Variants in TENT2 observed in about 807,000 individuals in gnomAD.
The protein encoded by TENT2 is poly(A) RNA polymerase GLD2.
Under a neutral mutation model 72.2 loss-of-function variants are expected in TENT2, and 44 were observed. That is an observed-to-expected ratio of 0.61 (90% CI 0.48 to 0.78). TENT2 has a LOEUF of 0.78. TENT2 is among the 30% of genes least tolerant of loss of function. The pLI is 0.00. For synonymous variants in TENT2, 212 were observed against 192.5 expected, an observed-to-expected ratio of 1.10 and a Z score of -0.84; for missense variants, 541 against 569.6, an observed-to-expected ratio of 0.95 and a Z score of 0.51.
chr5:79,658,954 A>G (rs968244138), intron 11 of TENT2, among the ~76,000 whole-genome samples: 2 of 152,064 alleles, frequency 1.3e-5, no homozygotes, highest in African/African-American at 2.4e-5. Context: ...GCTTATTTCT[A>G]TACCTGTAAT....
chr5:79,673,368 A>T (rs895985601), intron 12 of TENT2, among the ~76,000 whole-genome samples: 15 of 152,314 alleles, frequency 9.8e-5, no homozygotes, highest in African/African-American at 3.6e-4. Flanking sequence ...ACCTTTGCCC[A>T]TACCAATGTC....
chr5:79,676,936 G>A (rs954680930), intron 12 of TENT2, among the ~76,000 whole-genome samples: 2 of 152,122 alleles, frequency 1.3e-5, no homozygotes, highest in Non-Finnish European at 2.9e-5. Context: ...ATTTAGGGAA[G>A]ATATTTCTAA....
intron 10 of TENT2, among the ~76,000 whole-genome samples, chr5:79,652,829 A>G (rs1490392094): frequency 1.3e-5 from 2 of 152,094 alleles, no homozygotes; most frequent in African/African-American, 4.8e-5. Context: ...AATCTTGAAC[A>G]TATATTACTT....
intron 8 of TENT2, among the ~76,000 whole-genome samples, chr5:79,647,197 A>G (rs1246524681): frequency 2.0e-5 from 3 of 152,160 alleles, no homozygotes; most frequent in Admixed American, 6.5e-5. Flanking sequence ...TAACTTAACC[A>G]TTCTCCTGTA....
intron 12 of TENT2, among the ~76,000 whole-genome samples, chr5:79,674,610 A>G (rs1378620774): frequency 2.0e-5 from 3 of 152,236 alleles, no homozygotes; most frequent in African/African-American, 7.2e-5. Flanking sequence ...GGATACAGAA[A>G]TGAACTTTGA....
chr5:79,626,891 G>A (rs1173317012), intron 4 of TENT2, among the ~76,000 whole-genome samples: 1 of 151,810 alleles, frequency 6.6e-6, no homozygotes, highest in Non-Finnish European at 1.5e-5. Context: ...CAGCACTTTG[G>A]GAGGCCAAGG....
At chr5:79,646,351 A>T (rs966514675) in intron 8 of TENT2, among the ~76,000 whole-genome samples, 11 of 152,226 alleles carry the variant, frequency 7.2e-5, no homozygotes, top group African/African-American at 2.2e-4. Context: ...AAACTTGGTT[A>T]TGTATTGATG....
At chr5:79,655,007 G>C (rs1339020677) in intron 10 of TENT2, among the ~76,000 whole-genome samples, 3 of 152,064 alleles carry the variant, frequency 2.0e-5, no homozygotes, top group Non-Finnish European at 2.9e-5. Flanking sequence ...TTCTGATAAT[G>C]AGCTTTTGTT....
rs1785643516 is a variant in TENT2, at chr5:79,643,001, TC to T, written c.751+92del. The T allele has an allele frequency of 9.3e-6, 14 of 1,503,482 alleles. No homozygotes were observed. In the South Asian group the frequency reaches 1.8e-4, roughly 19 times the overall value. 93.1% of individuals were successfully genotyped at this position (1,503,482 alleles called of 1,614,324 possible). A position where few individuals can be genotyped will look rare whatever the true frequency, so the allele number is the denominator to read the frequency against. On this transcript the variant is annotated intron_variant, in intron 7 of 14. Transcript: ENST00000453514. ...TTATCTTCTGGTAAGAACTGTTTATTCTGGTCAGGATCAGTATAATATGAAT... is the reference window on the plus strand; with the variant it reads ...TTATCTTCTGGTAAGAACTGTTTATTTGGTCAGGATCAGTATAATATGAAT...
At chr5:79,676,573 C>G (rs1817518381) in intron 12 of TENT2, among the ~76,000 whole-genome samples, 1 of 151,976 alleles carries the variant, frequency 6.6e-6, no homozygotes, top group Admixed American at 6.6e-5. Flanking sequence ...GGTGACAGAG[C>G]AAGACTCTGA....
At chr5:79,633,682 C>T (rs1336463042) in intron 4 of TENT2, among the ~76,000 whole-genome samples, 1 of 147,034 alleles carries the variant, frequency 6.8e-6, no homozygotes, top group Non-Finnish European at 1.5e-5. Flanking sequence ...TCCCAAAGTG[C>T]TGGAATTACA....
rs76591641 is a variant in TENT2 at position 79,687,690 on chromosome 5, A to G, written c.*2417A>G. 0.086 allele frequency among the ~76,000 whole-genome samples: 13,106 copies of G among 152,236 alleles called. 743 individuals carry two copies. The highest frequency in any genetic ancestry group is 0.17 in the South Asian group (811 of 4,810). On this transcript the variant is annotated 3_prime_UTR_variant, in exon 15 of 15. Transcript: ENST00000453514. ...ATTTTTCATCCTGGTTGAATTCACA[A>G]ATCCTACATGGTTACGGAGGGTTGA...
chr5:79,632,328 GTTTT>G (rs113322670), intron 4 of TENT2, among the ~76,000 whole-genome samples: 1 of 151,752 alleles, frequency 6.6e-6, no homozygotes, highest in Non-Finnish European at 1.5e-5. Context: ...TTTTTCATGA[GTTTT>G]TTTTGTCTTT....
intron 10 of TENT2, among the ~76,000 whole-genome samples, chr5:79,652,458 A>G (rs1454528438): frequency 6.6e-6 from 1 of 152,120 alleles, no homozygotes; most frequent in Non-Finnish European, 1.5e-5. Flanking sequence ...ATTTGTGGAC[A>G]GTTTAGCAAA....
At chr5:79,665,927 C>T (rs553470913) in intron 11 of TENT2, among the ~76,000 whole-genome samples, 30 of 150,018 alleles carry the variant, frequency 2.0e-4, no homozygotes, top group African/African-American at 6.9e-4. Flanking sequence ...ATGTATTTTT[C>T]TTAAATACAT....
chr5:79,654,363 G>A (rs370955750), intron 10 of TENT2, among the ~76,000 whole-genome samples: 3 of 152,032 alleles, frequency 2.0e-5, no homozygotes, highest in East Asian at 1.9e-4. Flanking sequence ...ACCAGGAGGC[G>A]GAGGTTGCAG....
At chr5:79,666,015 GCT>G (rs1807446633) in intron 11 of TENT2, among the ~76,000 whole-genome samples, 1 of 139,576 alleles carries the variant, frequency 7.2e-6, no homozygotes. Flanking sequence ...ACGGAGTTTT[GCT>G]CTGTTACCCA....
intron 11 of TENT2, among the ~76,000 whole-genome samples, chr5:79,665,653 A>G (rs1199823774): frequency 6.6e-6 from 1 of 152,204 alleles, no homozygotes; most frequent in Non-Finnish European, 1.5e-5. Context: ...CAGGTTATAC[A>G]TTTGATTATC....
intron 11 of TENT2, among the ~76,000 whole-genome samples, chr5:79,663,610 T>C (rs1804777493): frequency 6.6e-6 from 1 of 152,178 alleles, no homozygotes; most frequent in Non-Finnish European, 1.5e-5. Flanking sequence ...CATAACATTT[T>C]TGATTAAGTT....
Sources: allele counts gnomAD v4.1 joint callset (sites outside exome capture counted in the v4.1 genomes callset), GRCh38; gene constraint gnomAD v4.1.1; transcripts MANE v1.5; gene names NCBI Gene and HGNC (gene_info 2026-07-23, HGNC 2026-07-21).